The following PKN2 variants were observed in gnomAD, a reference collection of about 807,000 sequenced individuals.
The protein encoded by PKN2 is protein kinase N2.
In PKN2, 38 loss-of-function variants were observed where a neutral mutation model predicts 119.1. The ratio of observed to expected loss-of-function variants is 0.32; its 90% CI spans 0.25 to 0.42. PKN2 has a LOEUF of 0.42. Among genes scored for constraint, PKN2 ranks in the 10% least tolerant of loss-of-function variants. PKN2 has a pLI of 1.00. For synonymous variants in PKN2, 390 were observed against 384.9 expected, an observed-to-expected ratio of 1.01 and a Z score of -0.15; for missense variants, 850 against 1,165.1, an observed-to-expected ratio of 0.73 and a Z score of 3.94.
chr1:88,814,644 T>G (rs1401973485), intron 16 of PKN2, among the ~76,000 whole-genome samples: 1 of 152,146 alleles, frequency 6.6e-6, no homozygotes, highest in Non-Finnish European at 1.5e-5. Context: ...GGCCTGCTAC[T>G]CTTAGTCTTC....
intron 1 of PKN2, among the ~76,000 whole-genome samples, chr1:88,689,622 C>T (rs1490629034): frequency 1.3e-5 from 2 of 152,028 alleles, no homozygotes; most frequent in African/African-American, 4.8e-5. Context: ...ACTAGCCTGG[C>T]CAACTTGGTG....
chr1:88,771,342 ATTTCT>A (rs1222006447), intron 4 of PKN2, 74 bp from the exon 5 acceptor site: 7 of 1,034,366 alleles, frequency 6.8e-6, no homozygotes, highest in African/African-American at 1.6e-5. Context: ...ATAGGAATTC[ATTTCT>A]TTTCATGATT....
rs1669907314 is a variant in PKN2, at chr1:88,771,852, A to G, written c.958A>G (p.Thr320Ala). The change falls in exon 6 of 22, where the codon ACA becomes GCA. Residue 320 changes from threonine to alanine, a missense_variant. This residue lies in a region of PKN2 where 350 missense variants were observed against 511.1 expected (regional missense o/e 0.68). Coordinates refer to ENST00000370521, the MANE Select transcript of PKN2 (RefSeq NM_006256.4). The part of the protein sequence containing the change: ...SMISTQNQYS[T>A]LSKPAALTGT... ...GATATCTACGCAAAATCAATATAGT[A>G]CACTATCCAAACCAGCAGCACTAAC... 1 of 1,613,536 alleles carries G rather than the reference A, an allele frequency of 6.2e-7. No individual in the cohort carries two copies. Among genetic ancestry groups the G allele is most frequent in the Non-Finnish European group, 8.5e-7 (1 of 1,179,510 alleles).
At chr1:88,767,971 G>C (rs1185826754) in intron 3 of PKN2, among the ~76,000 whole-genome samples, 4 of 152,118 alleles carry the variant, frequency 2.6e-5, no homozygotes, top group African/African-American at 9.7e-5. Flanking sequence ...GGAGAATACA[G>C]GTTGATTGTG....
At chr1:88,829,919 A>C (rs1479159699) in intron 19 of PKN2, among the ~76,000 whole-genome samples, 2 of 152,188 alleles carry the variant, frequency 1.3e-5, no homozygotes, top group African/African-American at 4.8e-5. Context: ...GTTTCGCCGG[A>C]TGGATAACCC....
chr1:88,709,724 G>GTTATTATTTA, intron 1 of PKN2, among the ~76,000 whole-genome samples: 1 of 152,216 alleles, frequency 6.6e-6, no homozygotes, highest in South Asian at 2.1e-4. Context: ...CAGCATACAT[G>GTTATTATTTA]TTATTATTTA....
Position 88,770,366 on chromosome 1 carries a change from T to C in PKN2, c.519T>C (p.His173=). The change falls in exon 4 of 22, where the codon CAT becomes CAC. Residue 173 remains histidine (H), a synonymous_variant. Transcript: ENST00000370521. The part of the protein sequence containing the change: ...SNGSSKDRKL[H]GTAQQLLQDS... The stretch of plus-strand genomic sequence containing the variant: ...TTTTTTAATAGGATCGGAAACTCCA[T>C]GGTACAGCTCAGCAACTGCTCCAGG... 1.9e-6 allele frequency: 3 copies of C among 1,608,198 alleles called. No individual in the cohort carries two copies. In the African/African-American group the frequency reaches 4.0e-5, roughly 21 times the overall value.
At chr1:88,740,733 G>A (rs986508049) in intron 1 of PKN2, among the ~76,000 whole-genome samples, 1 of 151,602 alleles carries the variant, frequency 6.6e-6, no homozygotes, top group Non-Finnish European at 1.5e-5. Context: ...GTGTGTAGAT[G>A]TGTTCACTTT....
chr1:88,704,643 C>T (rs1261610837), intron 1 of PKN2, among the ~76,000 whole-genome samples: 4 of 151,818 alleles, frequency 2.6e-5, no homozygotes, highest in South Asian at 2.1e-4. Flanking sequence ...TAACCAGGTG[C>T]GGTGTTTTGC....
intron 1 of PKN2, among the ~76,000 whole-genome samples, chr1:88,687,625 A>G (rs190085108): frequency 5.4e-4 from 82 of 152,340 alleles, no homozygotes; most frequent in Non-Finnish European, 1.1e-3. Flanking sequence ...CATTTTCTTC[A>G]TCAAAATGCC....
intron 1 of PKN2, among the ~76,000 whole-genome samples, chr1:88,714,185 C>G (rs1667353010): frequency 6.6e-6 from 1 of 152,148 alleles, no homozygotes; most frequent in South Asian, 2.1e-4. Flanking sequence ...GTTACTGTAG[C>G]CTTGTAGTAT....
In PKN2 at chr1:88,684,645, T is replaced by C; in HGVS notation, c.48+17T>C. ...GAACTGCAGGTAAGGGCCGCGGCCC[T>C]GGTGAGAGGCGCTGGCGGAGGAGAC... On this transcript the variant is annotated intron_variant, in intron 1 of 21. Coordinates refer to ENST00000370521, the MANE Select transcript of PKN2 (RefSeq NM_006256.4). The C allele has an allele frequency of 2.0e-6, 3 of 1,523,496 alleles. No individual in the cohort carries two copies. The highest frequency in any genetic ancestry group is 1.2e-5 in the South Asian group (1 of 81,800). 94.4% of individuals were successfully genotyped at this position (1,523,496 alleles called of 1,614,324 possible).
At chr1:88,804,257 A>T in intron 8 of PKN2, 134 bp from the exon 9 acceptor site, 1 of 662,008 alleles carries the variant, frequency 1.5e-6, no homozygotes, top group Non-Finnish European at 2.6e-6. Context: ...AAACCTCTTT[A>T]AAACAGTGTG....
chr1:88,797,878 C>T (rs920430925), intron 8 of PKN2, among the ~76,000 whole-genome samples: 1 of 152,046 alleles, frequency 6.6e-6, no homozygotes, highest in Non-Finnish European at 1.5e-5. Context: ...CCTGTAATCC[C>T]AGCACTTTGG....
chr1:88,801,341 C>T (rs909724307), intron 8 of PKN2, among the ~76,000 whole-genome samples: 1 of 152,122 alleles, frequency 6.6e-6, no homozygotes, highest in African/African-American at 2.4e-5. Flanking sequence ...GCTGAGATTG[C>T]ACCATTGCAC....
chr1:88,796,037 A>T (rs1448341467), intron 8 of PKN2, among the ~76,000 whole-genome samples: 1 of 152,218 alleles, frequency 6.6e-6, no homozygotes, highest in Non-Finnish European at 1.5e-5. Context: ...TTCTACAAAC[A>T]TTTATTGAGT....
intron 1 of PKN2, among the ~76,000 whole-genome samples, chr1:88,739,168 C>T (rs1668476671): frequency 6.6e-6 from 1 of 151,932 alleles, no homozygotes; most frequent in African/African-American, 2.4e-5. Context: ...GTTGGCGTTT[C>T]AAAGGAATTC....
At position 88,775,041 on chromosome 1, in the gene PKN2, C is replaced by T. The variant is rs149944649; in HGVS notation, c.985+3162C>T. Among the ~76,000 whole-genome samples the T allele has an allele frequency of 7.8e-3, 1,184 of 152,202 alleles. 18 individuals carry two copies. Among genetic ancestry groups the T allele is most frequent in the African/African-American group, 0.027 (1,130 of 41,530 alleles). ...TTACTTTTCTTATTCCCTTCTTGCTCCCTTTTATGAGATAGATAGATATAT... is the reference window on the plus strand; with the variant it reads ...TTACTTTTCTTATTCCCTTCTTGCTTCCTTTTATGAGATAGATAGATATAT... On this transcript the variant is annotated intron_variant, in intron 6 of 21. Transcript: ENST00000370521.
chr1:88,777,155 C>G (rs1033922914), intron 6 of PKN2, among the ~76,000 whole-genome samples: 1 of 152,146 alleles, frequency 6.6e-6, no homozygotes, highest in African/African-American at 2.4e-5. Flanking sequence ...AATTGGCTCA[C>G]TTTTTCTTCT....
Sources: allele counts gnomAD v4.1 joint callset (sites outside exome capture counted in the v4.1 genomes callset), GRCh38; gene constraint gnomAD v4.1.1; regional missense constraint gnomAD v4.1.1; transcripts MANE v1.5; gene names NCBI Gene and HGNC (gene_info 2026-07-23, HGNC 2026-07-21).